The following COL22A1 variants were observed in gnomAD, a reference collection of about 807,000 sequenced individuals.
COL22A1 encodes the protein collagen type XXII alpha 1 chain, also known as collagen alpha-1(XXII) chain.
A neutral mutation model predicts 248.9 loss-of-function variants in COL22A1; 221 were observed. The observed-to-expected ratio is 0.89, with a 90% CI of 0.80 to 0.99. The LOEUF is 0.99. Among genes scored for constraint, COL22A1 ranks in the 50% least tolerant of loss-of-function variants. The pLI is 0.00. For missense variants in COL22A1, 2,240 were observed against 2,179.0 expected (o/e 1.03, Z -0.56); for synonymous variants, 891 against 793.4 (o/e 1.12, Z -2.07).
intron 4 of COL22A1, among the ~76,000 whole-genome samples, chr8:138,839,314 A>C (rs1207184989): frequency 6.6e-6 from 1 of 152,112 alleles, no homozygotes; most frequent in East Asian, 1.9e-4. Flanking sequence ...GCGAGGGTAC[A>C]CTGGCTGGGA....
At chr8:138,743,063 A>G (rs1175003568) in intron 22 of COL22A1, among the ~76,000 whole-genome samples, 70 of 127,222 alleles carry the variant, frequency 5.5e-4, no homozygotes, top group Middle Eastern at 6.2e-3. Flanking sequence ...GATTGTGATG[A>G]TGATGGTGGA....
At position 138,636,802 on chromosome 8, in the gene COL22A1, A is replaced by G. The variant is rs751063528; in HGVS notation, c.3502-7T>C. 6.2e-7 allele frequency: 1 copy of G among 1,611,048 alleles called. No individual in the cohort carries two copies. Among genetic ancestry groups the G allele is most frequent in the Non-Finnish European group, 8.5e-7 (1 of 1,177,732 alleles). Reference sequence around the variant, plus strand: ...CACGTTCTCCTTGACTTCCCTTGAAAGGAAAAAAAAGAAAAGAAAGATGTC... The same window carrying G: ...CACGTTCTCCTTGACTTCCCTTGAAGGGAAAAAAAAGAAAAGAAAGATGTC... On this transcript the variant is annotated splice_polypyrimidine_tract_variant and splice_region_variant and intron_variant, in intron 47 of 64. Coordinates refer to ENST00000303045, the MANE Select transcript of COL22A1 (RefSeq NM_152888.3).
At chr8:138,722,848 G>A (rs1352390887) in intron 25 of COL22A1, among the ~76,000 whole-genome samples, 14 of 91,460 alleles carry the variant, frequency 1.5e-4, no homozygotes, top group Non-Finnish European at 2.3e-4. Context: ...GTCACATGGG[G>A]GCGGGGGGGG....
At chr8:138,740,987 T>A (rs1278003533) in intron 22 of COL22A1, among the ~76,000 whole-genome samples, 1 of 152,208 alleles carries the variant, frequency 6.6e-6, no homozygotes, top group African/African-American at 2.4e-5. Flanking sequence ...TCTGCAGGCA[T>A]CTGAGCTGTT....
chr8:138,820,639 T>C (rs527995051), intron 7 of COL22A1, among the ~76,000 whole-genome samples: 1 of 152,206 alleles, frequency 6.6e-6, no homozygotes, highest in South Asian at 2.1e-4. Context: ...TTTTTTACAA[T>C]CAAGGAAGAA....
At chr8:138,641,359 G>C (rs1480409912) in intron 47 of COL22A1, among the ~76,000 whole-genome samples, 1 of 152,128 alleles carries the variant, frequency 6.6e-6, no homozygotes, top group Admixed American at 6.6e-5. Flanking sequence ...TCCTATTACT[G>C]GTTGGTGAAC....
intron 9 of COL22A1, among the ~76,000 whole-genome samples, chr8:138,809,859 T>C (rs900018149): frequency 1.3e-4 from 20 of 152,164 alleles, no homozygotes; most frequent in African/African-American, 4.6e-4. Flanking sequence ...CATACCCTGA[T>C]TGACTTATAT....
chr8:138,724,816 C>T lies in COL22A1; in HGVS notation c.2194-148G>A, dbSNP rs567823467. 116 of 720,056 alleles carry T rather than the reference C, an allele frequency of 1.6e-4. 1 individual carries two copies. The highest frequency in any genetic ancestry group is 8.0e-4 in the Admixed American group (34 of 42,596). 44.6% of individuals were successfully genotyped at this position (720,056 alleles called of 1,614,324 possible). A position where few individuals can be genotyped will look rare whatever the true frequency, so the allele number is the denominator to read the frequency against. On this transcript the variant is annotated intron_variant, in intron 24 of 64. Coordinates refer to ENST00000303045, the MANE Select transcript of COL22A1 (RefSeq NM_152888.3). ...CTGTCCTTGGTCATCCGCTGTGAAA[C>T]GCGGAGTTGTTGCACCTCTGAAGTT...
intron 41 of COL22A1, among the ~76,000 whole-genome samples, chr8:138,670,498 C>T (rs1422357968): frequency 2.6e-5 from 4 of 152,148 alleles, no homozygotes; most frequent in Non-Finnish European, 1.5e-5. Flanking sequence ...GGGGTACTCA[C>T]ACCTAACAGA....
chr8:138,843,389 C>A (rs895045165), intron 4 of COL22A1, among the ~76,000 whole-genome samples: 1 of 152,102 alleles, frequency 6.6e-6, no homozygotes, highest in African/African-American at 2.4e-5. Context: ...GGAGAGACAC[C>A]AAACCCAGGG....
At chr8:138,733,385 G>A (rs766371586) in intron 23 of COL22A1, among the ~76,000 whole-genome samples, 1 of 151,828 alleles carries the variant, frequency 6.6e-6, no homozygotes, top group Non-Finnish European at 1.5e-5. Context: ...CAGCCACCCT[G>A]GGGCTTTGCA....
intron 25 of COL22A1, among the ~76,000 whole-genome samples, 157 bp downstream of exon 25, chr8:138,724,458 A>G (rs529822960): frequency 1.1e-4 from 16 of 152,276 alleles, no homozygotes; most frequent in African/African-American, 3.8e-4. Flanking sequence ...CACCACAGAA[A>G]GAAGACCCAG....
At chr8:138,745,181 C>A (rs1009389984) in intron 22 of COL22A1, among the ~76,000 whole-genome samples, 10 of 149,164 alleles carry the variant, frequency 6.7e-5, no homozygotes, top group African/African-American at 2.5e-4. Context: ...TTTTTTTTTA[C>A]CAACTTTTCT....
intron 58 of COL22A1, among the ~76,000 whole-genome samples, chr8:138,605,683 G>A (rs1342783558): frequency 6.6e-6 from 1 of 152,114 alleles, no homozygotes; most frequent in East Asian, 1.9e-4. Context: ...CATTCATCAG[G>A]TCAGCAGTCC....
intron 23 of COL22A1, among the ~76,000 whole-genome samples, chr8:138,730,099 T>G (rs1830599838): frequency 6.6e-6 from 1 of 152,218 alleles, no homozygotes; most frequent in African/African-American, 2.4e-5. Context: ...AAGCACTGAC[T>G]ATATGCTTGG....
At chr8:138,656,609 G>A (rs1189130568) in intron 44 of COL22A1, among the ~76,000 whole-genome samples, 2 of 152,160 alleles carry the variant, frequency 1.3e-5, no homozygotes, top group South Asian at 2.1e-4. Context: ...ACCCAAGACA[G>A]GGTGAAGGCT....
Position 138,626,229 on chromosome 8 carries a change from A to T in COL22A1, c.3678T>A (p.Pro1226=). The T allele has an allele frequency of 6.2e-7, 1 of 1,608,398 alleles. No homozygotes were observed. The highest frequency in any genetic ancestry group is 2.2e-5 in the East Asian group (1 of 44,578). ...ATCCAGATGGGCCTTGGGGGCCAGG[A>T]GGGCCTTCTTTCCCCTAAAAGATCC... is the stretch of plus-strand genomic sequence containing the variant. ...GIQGSPGKEG[P]PGPQGPSGLP... is the part of the protein sequence containing the mutation. Residue 1226 remains proline (P), a synonymous_variant, in exon 51 of 65, where the codon CCT becomes CCA. Transcript: ENST00000303045.
chr8:138,702,841 A>G (rs1392555651), intron 31 of COL22A1, among the ~76,000 whole-genome samples: 2 of 152,170 alleles, frequency 1.3e-5, no homozygotes, highest in Non-Finnish European at 2.9e-5. Context: ...AACTATGACC[A>G]CAATGCTGGT....
At chr8:138,704,962 G>A (rs1322595741) in intron 30 of COL22A1, among the ~76,000 whole-genome samples, 1 of 152,096 alleles carries the variant, frequency 6.6e-6, no homozygotes, top group African/African-American at 2.4e-5. Flanking sequence ...GAAAACCATG[G>A]CATGAGAACT....
Sources: gnomAD v4.1 joint callset for allele counts (sites outside exome capture counted in the v4.1 genomes callset) on GRCh38, gnomAD v4.1.1 for gene constraint, MANE v1.5 for transcripts, NCBI Gene and HGNC (gene_info 2026-07-23, HGNC 2026-07-21) for gene names.